Variants in AHI1 observed in about 807,000 individuals in gnomAD.
The protein encoded by AHI1 is Abelson helper integration site 1.
Under a neutral mutation model 149.3 loss-of-function variants are expected in AHI1, and 123 were observed. The ratio of observed to expected loss-of-function variants is 0.82; its 90% CI spans 0.71 to 0.96. AHI1 has a LOEUF of 0.96. AHI1 is among the 40% of genes least tolerant of loss of function. The pLI is 0.00. For synonymous variants in AHI1, 475 were observed against 459.8 expected (o/e 1.03, Z -0.42); for missense variants, 1,439 against 1,422.7 (o/e 1.01, Z -0.18).
rs532568796 is a variant in AHI1, at chr6:135,460,488, G to C, written c.931+2637C>G. On this transcript the variant is annotated intron_variant, in intron 8 of 28. Coordinates refer to ENST00000265602, the MANE Select transcript of AHI1 (RefSeq NM_001134831.2). ...TAAAAATGTCAAGTCTCTTTAGAGA[G>C]TTGTTATGCTGTGACTCTTTAGATT... 3.9e-5 allele frequency among the ~76,000 whole-genome samples: 6 copies of C among 152,238 alleles called. No individual in the cohort carries two copies. The South Asian group carries it at 1.2e-3, about 32-fold the overall frequency.
chr6:135,444,278 C>T (rs776215837), intron 13 of AHI1, among the ~76,000 whole-genome samples: 1 of 152,184 alleles, frequency 6.6e-6, no homozygotes, highest in Non-Finnish European at 1.5e-5. Flanking sequence ...TCCTCAAATA[C>T]AATTGTTATT....
chr6:135,454,232 A>C (rs532506974), intron 10 of AHI1, among the ~76,000 whole-genome samples: 2 of 152,238 alleles, frequency 1.3e-5, no homozygotes, highest in Non-Finnish European at 1.5e-5. Context: ...TTGCAGGCCA[A>C]ATCTTTTTCT....
At chr6:135,399,490 C>T (rs886460925) in intron 22 of AHI1, among the ~76,000 whole-genome samples, 1 of 152,062 alleles carries the variant, frequency 6.6e-6, no homozygotes, top group Non-Finnish European at 1.5e-5. Flanking sequence ...TCACTTAGGC[C>T]TCTATCCTTC....
At chr6:135,290,913 AACACACACACAC>A (rs574033007) in intron 27 of AHI1, among the ~76,000 whole-genome samples, 10 of 146,178 alleles carry the variant, frequency 6.8e-5, no homozygotes, top group Non-Finnish European at 1.1e-4. Context: ...AACACACACA[AACACACACACAC>A]ACACACACAC....
At chr6:135,438,325 T>G in intron 15 of AHI1, 50 bp downstream of exon 15, 1 of 1,468,154 alleles carries the variant, frequency 6.8e-7, no homozygotes, top group Non-Finnish European at 9.1e-7. Flanking sequence ...TCTCTTTGCT[T>G]TCCTTGACAG....
Position 135,343,841 on chromosome 6 carries a change from G to A in AHI1, c.3165+14291C>T, listed in dbSNP as rs369231247. 1.8e-4 allele frequency among the ~76,000 whole-genome samples: 27 copies of A among 151,980 alleles called. 1 individual carries two copies. In the East Asian group the frequency reaches 2.3e-3, roughly 13 times the overall value. On this transcript the variant is annotated intron_variant, in intron 24 of 28. Transcript: ENST00000265602. ...GAGTCAATCTTCAGATCAGGCAATG[G>A]TTTCTTAGATATAACATCATAGGTA...
At chr6:135,418,590 C>T (rs1055790210) in intron 20 of AHI1, among the ~76,000 whole-genome samples, 1 of 152,026 alleles carries the variant, frequency 6.6e-6, no homozygotes, top group Non-Finnish European at 1.5e-5. Flanking sequence ...CTGCCCTTTG[C>T]ATTTGAAGCA....
intron 24 of AHI1, among the ~76,000 whole-genome samples, chr6:135,342,412 G>C (rs1790515126): frequency 6.6e-6 from 1 of 151,722 alleles, no homozygotes. Context: ...TCATTCCATG[G>C]GATCGGTATT....
intron 3 of AHI1, chr6:135,492,663 C>T (rs1376693960): frequency 1.0e-5 from 10 of 985,208 alleles, no homozygotes; most frequent in Non-Finnish European, 1.2e-5. Context: ...GATTGACTTT[C>T]CTAAGAGCAT....
intron 20 of AHI1, among the ~76,000 whole-genome samples, chr6:135,415,555 T>A (rs1275534667): frequency 6.6e-6 from 1 of 152,204 alleles, no homozygotes; most frequent in African/African-American, 2.4e-5. Flanking sequence ...ATGGTGGGAA[T>A]GTTAAATGTT....
At chr6:135,320,777 A>G (rs754215404) in intron 25 of AHI1, among the ~76,000 whole-genome samples, 8 of 152,216 alleles carry the variant, frequency 5.3e-5, no homozygotes, top group Non-Finnish European at 1.2e-4. Context: ...ATGGATTGTA[A>G]TATTTCGTTA....
chr6:135,368,629 AG>A (rs2128452773), intron 23 of AHI1, among the ~76,000 whole-genome samples: 1 of 152,220 alleles, frequency 6.6e-6, no homozygotes, highest in South Asian at 2.1e-4. Flanking sequence ...CTTTCCCAGG[AG>A]GATTATGGCT....
intron 5 of AHI1, among the ~76,000 whole-genome samples, chr6:135,473,520 T>C (rs1792094751): frequency 6.6e-6 from 1 of 152,128 alleles, no homozygotes; most frequent in African/African-American, 2.4e-5. Flanking sequence ...TAATTGCTGA[T>C]TTGTCTATTT....
chr6:135,443,145 G>A (rs537631432), intron 13 of AHI1, among the ~76,000 whole-genome samples: 1 of 152,232 alleles, frequency 6.6e-6, no homozygotes, highest in African/African-American at 2.4e-5. Context: ...ATGTATGAAT[G>A]CTTATTCTCT....
At chr6:135,335,578 T>C (rs772338722) in intron 24 of AHI1, among the ~76,000 whole-genome samples, 1 of 152,160 alleles carries the variant, frequency 6.6e-6, no homozygotes, top group African/African-American at 2.4e-5. Flanking sequence ...TCTACTTTTA[T>C]GTTGCTAATA....
At chr6:135,472,072 T>C (rs1244847627) in intron 5 of AHI1, among the ~76,000 whole-genome samples, 1 of 143,318 alleles carries the variant, frequency 7.0e-6, no homozygotes, top group African/African-American at 2.6e-5. Flanking sequence ...ATCAATAAAA[T>C]TTGCCAATTT....
intron 24 of AHI1, among the ~76,000 whole-genome samples, chr6:135,344,202 AT>A (rs976099476): frequency 6.6e-6 from 1 of 151,482 alleles, no homozygotes; most frequent in Non-Finnish European, 1.5e-5. Context: ...TCAAATTGTT[AT>A]TTTTTTTCAA....
intron 26 of AHI1, among the ~76,000 whole-genome samples, chr6:135,304,512 C>T (rs1784307172): frequency 6.6e-6 from 1 of 152,172 alleles, no homozygotes. Context: ...TGGCTCACAC[C>T]TGTAATCCCA....
chr6:135,296,652 C>T (rs1032158141), intron 27 of AHI1, among the ~76,000 whole-genome samples: 3 of 152,154 alleles, frequency 2.0e-5, no homozygotes, highest in Non-Finnish European at 4.4e-5. Context: ...TCTCATGCTC[C>T]GATTTACAAC....
Sources: allele counts gnomAD v4.1 joint callset (sites outside exome capture counted in the v4.1 genomes callset), GRCh38; gene constraint gnomAD v4.1.1; transcripts MANE v1.5; gene names NCBI Gene and HGNC (gene_info 2026-07-23, HGNC 2026-07-21).